The following MGAT4C variants were observed in gnomAD, a reference collection of about 807,000 sequenced individuals.
The protein encoded by MGAT4C is alpha-1,3-mannosyl-glycoprotein 4-beta-N-acetylglucosaminyltransferase C.
Under a neutral mutation model 40.1 loss-of-function variants are expected in MGAT4C, and 19 were observed. The observed-to-expected ratio is 0.47, with a 90% CI of 0.33 to 0.70. MGAT4C has a LOEUF of 0.70. MGAT4C is among the 30% of genes least tolerant of loss of function. MGAT4C has a pLI of 0.02. For synonymous variants in MGAT4C, 181 were observed against 187.1 expected (o/e 0.97, Z 0.27); for missense variants, 491 against 563.2 (o/e 0.87, Z 1.30).
intron 1 of MGAT4C, among the ~76,000 whole-genome samples, chr12:86,140,508 G>A (rs749247267): frequency 6.6e-6 from 1 of 152,168 alleles, no homozygotes; most frequent in South Asian, 2.1e-4. Context: ...GGGCCTGTCG[G>A]GGGGTGGGAG....
chr12:86,576,337 G>A (rs979137360), intron 2 of MGAT4C, among the ~76,000 whole-genome samples: 12 of 151,860 alleles, frequency 7.9e-5, no homozygotes, highest in Admixed American at 4.0e-4. Flanking sequence ...TTAATCTGGT[G>A]TGATTCCATT....
intron 4 of MGAT4C, among the ~76,000 whole-genome samples, chr12:86,282,548 T>C (rs1388195259): frequency 6.6e-6 from 1 of 152,068 alleles, no homozygotes; most frequent in Non-Finnish European, 1.5e-5. Flanking sequence ...CTAATCCTGG[T>C]ATACCAGTCA....
At chr12:86,350,654 C>T (rs1166919749) in intron 3 of MGAT4C, among the ~76,000 whole-genome samples, 1 of 152,044 alleles carries the variant, frequency 6.6e-6, no homozygotes, top group Non-Finnish European at 1.5e-5. Context: ...AAGATTGCTA[C>T]CTATAAGAAT....
At chr12:86,837,260 GA>G (rs1278845884) in intron 1 of MGAT4C, among the ~76,000 whole-genome samples, 1 of 152,080 alleles carries the variant, frequency 6.6e-6, no homozygotes, top group African/African-American at 2.4e-5. Flanking sequence ...TAAAGTTCAT[GA>G]AAAAAGAAGT....
intron 2 of MGAT4C, among the ~76,000 whole-genome samples, chr12:86,598,670 T>C (rs1468640223): frequency 6.6e-6 from 1 of 152,130 alleles, no homozygotes; most frequent in Admixed American, 6.5e-5. Context: ...AAATTCATTG[T>C]CTTCAGCTCT....
chr12:86,251,425 G>A (rs955801266), intron 1 of MGAT4C, among the ~76,000 whole-genome samples: 17 of 151,788 alleles, frequency 1.1e-4, no homozygotes, highest in Admixed American at 3.9e-4. Flanking sequence ...CAATTTGCAC[G>A]CACTTATTGC....
intron 2 of MGAT4C, among the ~76,000 whole-genome samples, chr12:86,474,517 T>C (rs1592891912): frequency 6.6e-6 from 1 of 151,472 alleles, no homozygotes; most frequent in Non-Finnish European, 1.5e-5. Flanking sequence ...ACTTAGAGTA[T>C]AATAATAATA....
At chr12:86,690,082 A>G (rs1950148481) in intron 2 of MGAT4C, among the ~76,000 whole-genome samples, 1 of 152,114 alleles carries the variant, frequency 6.6e-6, no homozygotes, top group South Asian at 2.1e-4. Context: ...GTTCCACCCA[A>G]TTCGAACTTC....
intron 4 of MGAT4C, among the ~76,000 whole-genome samples, chr12:86,298,107 C>G (rs1253370773): frequency 6.6e-6 from 1 of 151,748 alleles, no homozygotes; most frequent in East Asian, 1.9e-4. Flanking sequence ...TGGAGAAAAA[C>G]TTAATAAAAG....
At chr12:86,715,427 G>A (rs1324697577) in intron 2 of MGAT4C, among the ~76,000 whole-genome samples, 3 of 152,034 alleles carry the variant, frequency 2.0e-5, no homozygotes, top group Non-Finnish European at 4.4e-5. Context: ...TTCTTGATCT[G>A]GGTGCTGATT....
chr12:86,828,418 T>G (rs1219667709), intron 1 of MGAT4C, among the ~76,000 whole-genome samples: 3 of 151,568 alleles, frequency 2.0e-5, no homozygotes, highest in Non-Finnish European at 4.4e-5. Context: ...TAATATACTT[T>G]CATAACAAAC....
chr12:86,056,058 T>TA (rs1305068854), intron 1 of MGAT4C, among the ~76,000 whole-genome samples: 9 of 151,956 alleles, frequency 5.9e-5, no homozygotes, highest in East Asian at 1.9e-4. Context: ...TTCAACAAGT[T>TA]AAAAAAAATT....
intron 1 of MGAT4C, among the ~76,000 whole-genome samples, chr12:86,129,845 C>T (rs148572792): frequency 0.21 from 3,324 of 15,522 alleles, 1,296 homozygotes; most frequent in East Asian, 0.5. Context: ...AGGCGTGAGC[C>T]ACCGCGCCCG....
intron 3 of MGAT4C, among the ~76,000 whole-genome samples, chr12:86,388,614 T>G (rs1956103170): frequency 6.6e-6 from 1 of 151,630 alleles, no homozygotes; most frequent in African/African-American, 2.4e-5. Context: ...CTAAGAGATA[T>G]TCCCACTGAA....
At chr12:86,250,379 A>G (rs1261544074) in intron 1 of MGAT4C, among the ~76,000 whole-genome samples, 1 of 149,748 alleles carries the variant, frequency 6.7e-6, no homozygotes, top group African/African-American at 2.5e-5. Context: ...GAGATTTTTA[A>G]AATAAAAACA....
intron 2 of MGAT4C, among the ~76,000 whole-genome samples, chr12:86,618,129 T>C (rs1038922317): frequency 6.6e-6 from 1 of 152,176 alleles, no homozygotes; most frequent in Non-Finnish European, 1.5e-5. Flanking sequence ...CACAATGAGA[T>C]ATCATCTTAT....
chr12:86,681,012 T>A (rs1949972052), intron 2 of MGAT4C, among the ~76,000 whole-genome samples: 1 of 151,984 alleles, frequency 6.6e-6, no homozygotes, highest in Admixed American at 6.6e-5. Context: ...GATGGTAATT[T>A]ATTTCAAAAC....
chr12:86,203,770 C>T (rs911104262), intron 1 of MGAT4C, among the ~76,000 whole-genome samples: 2 of 151,506 alleles, frequency 1.3e-5, no homozygotes, highest in Non-Finnish European at 2.9e-5. Context: ...CCAGACTGAC[C>T]AACGTGGTGA....
intron 2 of MGAT4C, among the ~76,000 whole-genome samples, chr12:86,456,221 T>C (rs1280612198): frequency 6.6e-5 from 10 of 152,084 alleles, no homozygotes; most frequent in Non-Finnish European, 1.3e-4. Context: ...ATATCTATTG[T>C]TTTTAACATC....
Sources: gnomAD v4.1 joint callset for allele counts (sites outside exome capture counted in the v4.1 genomes callset) on GRCh38, gnomAD v4.1.1 for gene constraint, MANE v1.5 for transcripts, NCBI Gene and HGNC (gene_info 2026-07-23, HGNC 2026-07-21) for gene names.